Variants in GEMIN7 observed in about 807,000 individuals in gnomAD.
GEMIN7 encodes the protein gem-associated protein 7.
In GEMIN7, 7 loss-of-function variants were observed where a neutral mutation model predicts 7.8. That is an observed-to-expected ratio of 0.90 (90% CI 0.51 to 1.69). GEMIN7 has a LOEUF of 1.69. GEMIN7 is among the 40% of genes most tolerant of loss of function. GEMIN7 has a pLI of 0.00. For synonymous variants in GEMIN7, 68 were observed against 72.4 expected, an observed-to-expected ratio of 0.94 and a Z score of 0.31; for missense variants, 159 against 176.2, an observed-to-expected ratio of 0.90 and a Z score of 0.55.
upstream of GEMIN7, chr19:45,076,344 G>T: frequency 7.3e-7 from 1 of 1,367,420 alleles, no homozygotes; most frequent in Non-Finnish European, 9.5e-7. This position sits in a 1 kb window ranked among gnomAD's most constrained non-coding sequence, Gnocchi z 4.9. Flanking sequence ...CTACTCGGCG[G>T]GGCGCGCTGC....
Position 45,083,596 on chromosome 19 carries a change from C to CTTTTTTTTTTTTTTTTTTTT in GEMIN7, c.-9+3569_-9+3570insTTTTTTTTTTTTTTTTTTTT, listed in dbSNP as rs1285002333. On this transcript the variant is annotated intron_variant, in intron 2 of 2. Coordinates refer to ENST00000270257, the MANE Select transcript of GEMIN7 (RefSeq NM_024707.3). ...TTTCACATTTTCTTTTCCAATTCTTCTTCTTTTTTTTTTTTTTTTTGTTTG... is the reference window on the plus strand; with the variant it reads ...TTTCACATTTTCTTTTCCAATTCTTCTTTTTTTTTTTTTTTTTTTTTTCTTTTTTTTTTTTTTTTTGTTTG... Among the ~76,000 whole-genome samples the CTTTTTTTTTTTTTTTTTTTT allele has an allele frequency of 3.4e-5, 3 of 88,732 alleles. 1 individual carries two copies. 58.2% of individuals were successfully genotyped at this position (88,732 alleles called of 152,430 possible). A position where few individuals can be genotyped will look rare whatever the true frequency, so the allele number is the denominator to read the frequency against.
chr19:45,083,897 A>G (rs1322433323), intron 2 of GEMIN7, among the ~76,000 whole-genome samples: 1 of 151,750 alleles, frequency 6.6e-6, no homozygotes, highest in Non-Finnish European at 1.5e-5. Context: ...CCTCGTGCCC[A>G]GCTGCTTCTT....
Position 45,090,268 on chromosome 19 carries a change from G to T in GEMIN7, c.154G>T (p.Glu52Ter). The T allele has an allele frequency of 6.2e-7, 1 of 1,614,198 alleles. No individual in the cohort carries two copies. Among genetic ancestry groups the T allele is most frequent in the Non-Finnish European group, 8.5e-7 (1 of 1,180,048 alleles). The change falls in exon 3 of 3, where the codon GAA (glutamate) becomes TAA (stop). Residue 52 changes from glutamate to a stop codon, truncating the protein, a stop_gained. Coordinates refer to ENST00000270257, the MANE Select transcript of GEMIN7 (RefSeq NM_024707.3). LOFTEE classifies it high-confidence loss of function. ...QECPIAQESL[E>*]SQEQRARAAL... ...GTGTCCCATAGCTCAAGAATCCCTG[G>T]AATCCCAGGAGCAGCGGGCACGAGC...
At chr19:45,081,932 C>A (rs750499545) in intron 2 of GEMIN7, among the ~76,000 whole-genome samples, 1 of 152,124 alleles carries the variant, frequency 6.6e-6, no homozygotes, top group South Asian at 2.1e-4. Context: ...CTCGACCTTT[C>A]AAACATAGCC....
intron 2 of GEMIN7, among the ~76,000 whole-genome samples, chr19:45,083,596 CTTCTTTTTTT>C (rs1428303136): frequency 3.4e-5 from 3 of 88,732 alleles, no homozygotes; most frequent in African/African-American, 1.0e-4. Context: ...TCCAATTCTT[CTTCTTTTTTT>C]TTTTTTTTTT....
At chr19:45,080,695 C>T (rs1967470021) in intron 2 of GEMIN7, among the ~76,000 whole-genome samples, 1 of 151,730 alleles carries the variant, frequency 6.6e-6, no homozygotes, top group Non-Finnish European at 1.5e-5. Flanking sequence ...AAGATTTGAC[C>T]TGCCAGCTTC....
At chr19:45,087,345 T>C (rs1967728038) in intron 2 of GEMIN7, among the ~76,000 whole-genome samples, 1 of 152,198 alleles carries the variant, frequency 6.6e-6, no homozygotes, top group South Asian at 2.1e-4. Flanking sequence ...GGTTTTACTA[T>C]GTTGGCCAGG....
upstream of GEMIN7, chr19:45,076,388 G>T: frequency 7.9e-7 from 1 of 1,270,276 alleles, no homozygotes; most frequent in South Asian, 3.4e-5. This position sits in a 1 kb window ranked among gnomAD's most constrained non-coding sequence, Gnocchi z 4.9. Flanking sequence ...CGCGGGCCGG[G>T]CGAGCGAGCG....
At position 45,090,603 on chromosome 19, in the gene GEMIN7, T is replaced by G. The variant is rs1269347559; in HGVS notation, c.*93T>G. 2.3e-6 allele frequency: 3 copies of G among 1,278,658 alleles called. No homozygotes were observed. Among genetic ancestry groups the G allele is most frequent in the Non-Finnish European group, 3.3e-6 (3 of 916,144 alleles). 79.2% of individuals were successfully genotyped at this position (1,278,658 alleles called of 1,614,324 possible). On this transcript the variant is annotated 3_prime_UTR_variant, in exon 3 of 3. Coordinates refer to ENST00000270257, the MANE Select transcript of GEMIN7 (RefSeq NM_024707.3). ...CCAGGAACTCTGGGCCCCATGGAGTTATGAGCTCCCTTGGAATTTTGAGCC... is the reference window on the plus strand; with the variant it reads ...CCAGGAACTCTGGGCCCCATGGAGTGATGAGCTCCCTTGGAATTTTGAGCC...
chr19:45,084,757 T>A (rs533829830), intron 2 of GEMIN7, among the ~76,000 whole-genome samples: 269 of 152,292 alleles, frequency 1.8e-3, no homozygotes, highest in Non-Finnish European at 3.4e-3. Flanking sequence ...TAATTTTATT[T>A]ATTTATTTAT....
At chr19:45,088,947 T>C (rs1470375449) in intron 2 of GEMIN7, among the ~76,000 whole-genome samples, 3 of 151,180 alleles carry the variant, frequency 2.0e-5, no homozygotes, top group Non-Finnish European at 4.4e-5. Flanking sequence ...TTTTTTTTTT[T>C]TTTCTTTTTT....
upstream of GEMIN7, chr19:45,076,310 C>T: frequency 2.1e-6 from 3 of 1,432,454 alleles, no homozygotes; most frequent in Middle Eastern, 1.9e-4. This position sits in a 1 kb window ranked among gnomAD's most constrained non-coding sequence, Gnocchi z 4.9. Flanking sequence ...ATCTCGTCGT[C>T]TGGGTTGGCG....
chr19:45,076,045 G>A (rs773494348), upstream of GEMIN7: 1 of 1,575,414 alleles, frequency 6.3e-7, no homozygotes, highest in Admixed American at 2.0e-5. The surrounding 1 kb of genome is among the most constrained non-coding windows in gnomAD (Gnocchi z 4.9). Flanking sequence ...CAAAGGTAAG[G>A]GAGGCTGGGC....
upstream of GEMIN7, chr19:45,076,334 C>T: frequency 7.2e-7 from 1 of 1,388,026 alleles, no homozygotes; most frequent in Admixed American, 3.0e-5. The surrounding 1 kb of genome is among the most constrained non-coding windows in gnomAD (Gnocchi z 4.9). Flanking sequence ...GGCGCGGGCT[C>T]TACTCGGCGG....
upstream of GEMIN7, chr19:45,076,571 G>C (rs1967360906): frequency 2.7e-6 from 1 of 367,010 alleles, no homozygotes; most frequent in African/African-American, 2.1e-5. This position sits in a 1 kb window ranked among gnomAD's most constrained non-coding sequence, Gnocchi z 4.9. Flanking sequence ...GAGCCGCCCT[G>C]CTGGGGCCCT....
At chr19:45,083,059 T>C (rs1600136008) in intron 2 of GEMIN7, among the ~76,000 whole-genome samples, 1 of 152,200 alleles carries the variant, frequency 6.6e-6, no homozygotes, top group African/African-American at 2.4e-5. Flanking sequence ...TGTGGCAGAG[T>C]TGAGCAGTGA....
In GEMIN7 at chr19:45,083,213, A is replaced by T. The variant is rs578065418; in HGVS notation, c.-9+3184A>T. Among the ~76,000 whole-genome samples, 4 of 152,342 alleles carry T rather than the reference A, an allele frequency of 2.6e-5. No homozygotes were observed. In the East Asian group the frequency reaches 7.7e-4, roughly 29 times the overall value. The stretch of plus-strand genomic sequence containing the variant: ...GTAATCCCGGCACTTTGGGAAGCTG[A>T]ACTGGGGGTGGGTCACCTGAGACCA... On this transcript the variant is annotated intron_variant, in intron 2 of 2. Coordinates refer to ENST00000270257, the MANE Select transcript of GEMIN7 (RefSeq NM_024707.3).
intron 2 of GEMIN7, among the ~76,000 whole-genome samples, chr19:45,087,782 G>A (rs1309109250): frequency 2.6e-5 from 4 of 151,984 alleles, no homozygotes; most frequent in Non-Finnish European, 5.9e-5. Flanking sequence ...TGCAGACGGC[G>A]GGGGGTGAAG....
chr19:45,076,342 C>G, upstream of GEMIN7: 1 of 1,367,260 alleles, frequency 7.3e-7, no homozygotes. The surrounding 1 kb of genome is among the most constrained non-coding windows in gnomAD (Gnocchi z 4.9). Flanking sequence ...CTCTACTCGG[C>G]GGGGCGCGCT....
Sources: gnomAD v4.1 joint callset for allele counts (sites outside exome capture counted in the v4.1 genomes callset) on GRCh38, gnomAD v4.1.1 for gene constraint, Gnocchi (gnomAD v3.1) non-coding constraint, MANE v1.5 for transcripts, NCBI Gene and HGNC (gene_info 2026-07-23, HGNC 2026-07-21) for gene names.